The following RMP64 variants were observed in gnomAD, a reference collection of about 807,000 sequenced individuals.
RMP64 encodes nucleolus and neural progenitor protein.
the RMP64 span, chr3:113,014,132 G>A: frequency 1.1e-5 from 8 of 748,094 alleles, no homozygotes; most frequent in South Asian, 3.2e-5. Flanking sequence ...TCAAAGTATG[G>A]AAATATGCTA....
At chr3:113,007,009 G>A in the RMP64 span, among the ~76,000 whole-genome samples, 1 of 152,112 alleles carries the variant, frequency 6.6e-6, no homozygotes, top group Non-Finnish European at 1.5e-5. Flanking sequence ...TATATCTGGG[G>A]GAGTACTGAG....
At chr3:113,005,233 T>C in the RMP64 span, 3 of 354,592 alleles carry the variant, frequency 8.5e-6, no homozygotes, top group East Asian at 1.2e-4. Context: ...CATAAAATTA[T>C]TCAGTTTTTC....
At chr3:113,007,187 A>G in the RMP64 span, among the ~76,000 whole-genome samples, 1 of 152,052 alleles carries the variant, frequency 6.6e-6, no homozygotes, top group Non-Finnish European at 1.5e-5. Context: ...ATTATTACAG[A>G]CCTTTAGAGG....
chr3:113,005,569 G>C, the RMP64 span: 1 of 1,612,960 alleles, frequency 6.2e-7, no homozygotes. Flanking sequence ...TATCATCAAT[G>C]TCATCTGTCT....
the RMP64 span, chr3:113,014,602 C>T: frequency 6.6e-6 from 1 of 152,138 alleles, no homozygotes; most frequent in African/African-American, 2.4e-5. Context: ...ATCCGCCCAC[C>T]TCGGCCTCCC....
At chr3:113,010,411 TTC>T in the RMP64 span, 3 of 503,792 alleles carry the variant, frequency 6.0e-6, no homozygotes, top group Middle Eastern at 1.0e-3. Context: ...TACTTTAAAA[TTC>T]TAGAGAAACT....
At chr3:113,016,957 C>A in the RMP64 span, among the ~76,000 whole-genome samples, 1 of 152,246 alleles carries the variant, frequency 6.6e-6, no homozygotes, top group Admixed American at 6.5e-5. Flanking sequence ...CCAAACATTA[C>A]ATGAAACCAG....
chr3:113,007,705 G>C, the RMP64 span, among the ~76,000 whole-genome samples: 1 of 152,208 alleles, frequency 6.6e-6, no homozygotes, highest in East Asian at 1.9e-4. Flanking sequence ...GTAGCAAGTA[G>C]CAACAGTACA....
At chr3:113,004,766 G>GT in the RMP64 span, 1 of 152,124 alleles carries the variant, frequency 6.6e-6, no homozygotes, top group Non-Finnish European at 1.5e-5. Flanking sequence ...GGTCTACTTT[G>GT]TATCTCCTAA....
the RMP64 span, chr3:113,005,711 C>A: frequency 3.7e-6 from 6 of 1,614,016 alleles, no homozygotes; most frequent in Middle Eastern, 1.6e-4. Flanking sequence ...CATTGAAACT[C>A]CACTATTCAA....
the RMP64 span, chr3:113,014,261 C>CTT: frequency 4.8e-6 from 2 of 419,332 alleles, no homozygotes; most frequent in Non-Finnish European, 8.7e-6. Context: ...CAGGTGACTC[C>CTT]TAAGAAATTA....
chr3:113,017,028 C>T, the RMP64 span, among the ~76,000 whole-genome samples: 2 of 152,150 alleles, frequency 1.3e-5, no homozygotes, highest in African/African-American at 4.8e-5. Context: ...AGATTATGTA[C>T]CCCATAATAA....
chr3:113,019,499 C>T, the RMP64 span: 2 of 1,514,120 alleles, frequency 1.3e-6, no homozygotes, highest in South Asian at 1.1e-5. Context: ...CTGGCGGCCT[C>T]CCCCGGAAAC....
chr3:113,011,173 T>A, the RMP64 span: 5 of 1,613,630 alleles, frequency 3.1e-6, no homozygotes, highest in Admixed American at 8.3e-5. Context: ...TGACTGCTCA[T>A]TTATTAAAAA....
chr3:113,018,516 C>T, the RMP64 span, among the ~76,000 whole-genome samples: 1 of 152,072 alleles, frequency 6.6e-6, no homozygotes, highest in South Asian at 2.1e-4. Context: ...CAAGCTTGTC[C>T]AACCCGCCTT....
the RMP64 span, chr3:113,014,164 T>C: frequency 1.7e-6 from 1 of 600,396 alleles, no homozygotes. Flanking sequence ...ATACCTTATT[T>C]TTTTTCAGGG....
the RMP64 span, among the ~76,000 whole-genome samples, chr3:113,016,875 G>A: frequency 6.6e-6 from 1 of 152,166 alleles, no homozygotes; most frequent in South Asian, 2.1e-4. Flanking sequence ...AGCATATCAG[G>A]AAGCCAGCTT....
the RMP64 span, chr3:113,003,990 TCTTA>T: frequency 5.9e-5 from 9 of 152,340 alleles, no homozygotes; most frequent in East Asian, 1.7e-3. Flanking sequence ...ACACCAGTTC[TCTTA>T]CTAATTTACC....
At chr3:113,010,432 A>C in the RMP64 span, 2 of 522,668 alleles carry the variant, frequency 3.8e-6, no homozygotes, top group Non-Finnish European at 3.4e-6. Context: ...CTCCTACTAA[A>C]ATATTTCTGA....
Sources: allele counts gnomAD v4.1 joint callset (sites outside exome capture counted in the v4.1 genomes callset), GRCh38; gene constraint gnomAD v4.1.1; transcripts MANE v1.5; gene names NCBI Gene and HGNC (gene_info 2026-07-23, HGNC 2026-07-21).